Variants in SEMA5B observed in about 807,000 individuals in gnomAD.
The protein encoded by SEMA5B is semaphorin 5B.
A neutral mutation model predicts 135.0 loss-of-function variants in SEMA5B; 66 were observed. The ratio of observed to expected loss-of-function variants is 0.49; its 90% CI spans 0.40 to 0.60. SEMA5B has a LOEUF of 0.60. Ranked by LOEUF, SEMA5B falls within the 20% of genes least tolerant of loss-of-function variation. The pLI is 0.00. For synonymous variants in SEMA5B, 690 were observed against 639.5 expected (o/e 1.08, Z -1.19); for missense variants, 1,501 against 1,566.3 (o/e 0.96, Z 0.70).
chr3:122,943,345 G>C, intron 4 of SEMA5B, 91 bp downstream of exon 4: 2 of 862,040 alleles, frequency 2.3e-6, no homozygotes, highest in South Asian at 3.3e-5. Context: ...AGCACGCGGG[G>C]CTGCCCAGGT....
chr3:122,924,358 A>G (rs761813919), intron 9 of SEMA5B, among the ~76,000 whole-genome samples: 1 of 152,104 alleles, frequency 6.6e-6, no homozygotes, highest in Non-Finnish European at 1.5e-5. Context: ...CTTCGCATTT[A>G]GTTCTTCTCC....
At chr3:122,918,566 T>C (rs1052267836) in intron 12 of SEMA5B, among the ~76,000 whole-genome samples, 1 of 152,198 alleles carries the variant, frequency 6.6e-6, no homozygotes, top group African/African-American at 2.4e-5. Flanking sequence ...CATGGCAGAA[T>C]AGCAAAGAAG....
intron 5 of SEMA5B, among the ~76,000 whole-genome samples, chr3:122,937,359 A>G (rs950697012): frequency 1.3e-5 from 2 of 152,216 alleles, no homozygotes; most frequent in African/African-American, 4.8e-5. Flanking sequence ...AGACAGGAGG[A>G]CCGGGCACTG....
chr3:122,993,775 C>A (rs566805104), intron 1 of SEMA5B, among the ~76,000 whole-genome samples: 1 of 151,792 alleles, frequency 6.6e-6, no homozygotes, highest in Non-Finnish European at 1.5e-5. Flanking sequence ...ATAATGCCAC[C>A]CCTCCCGCTC....
chr3:122,930,695 G>A (rs554646374), intron 5 of SEMA5B, among the ~76,000 whole-genome samples: 2 of 152,362 alleles, frequency 1.3e-5, no homozygotes, highest in South Asian at 2.1e-4. Context: ...TTAAAGTTAC[G>A]CTGAATTCAA....
At chr3:122,920,357 A>G (rs796745887) in intron 12 of SEMA5B, among the ~76,000 whole-genome samples, 46 of 152,374 alleles carry the variant, frequency 3.0e-4, no homozygotes, top group African/African-American at 1.1e-3. Flanking sequence ...AGTATAAAAA[A>G]TACTGAGACA....
intron 1 of SEMA5B, among the ~76,000 whole-genome samples, chr3:123,004,735 A>G (rs1044743659): frequency 6.6e-6 from 1 of 152,168 alleles, no homozygotes; most frequent in Non-Finnish European, 1.5e-5. Flanking sequence ...CTCCACACTG[A>G]TGGAAATTGA....
chr3:122,935,686 C>CTTTTTTTTTTTTTTTTTT (rs147968317), intron 5 of SEMA5B, among the ~76,000 whole-genome samples: 76 of 70,244 alleles, frequency 1.1e-3, no homozygotes, highest in African/African-American at 2.0e-3. Flanking sequence ...TTCTTTCTTT[C>CTTTTTTTTTTTTTTTTTT]TTTTTTTTTT....
intron 1 of SEMA5B, among the ~76,000 whole-genome samples, chr3:123,018,799 G>A (rs1346044523): frequency 6.6e-6 from 1 of 152,148 alleles, no homozygotes; most frequent in East Asian, 1.9e-4. Context: ...CTCCCTGACA[G>A]CCTTATATTC....
chr3:122,978,671 T>C (rs887466456), intron 1 of SEMA5B, among the ~76,000 whole-genome samples: 2 of 152,014 alleles, frequency 1.3e-5, no homozygotes, highest in Non-Finnish European at 2.9e-5. Flanking sequence ...AGCAGACCCC[T>C]CCGCTGGGCA....
intron 2 of SEMA5B, among the ~76,000 whole-genome samples, 160 bp from the exon 3 acceptor site, chr3:122,948,869 T>C (rs1228147452): frequency 6.6e-6 from 1 of 152,262 alleles, no homozygotes; most frequent in African/African-American, 2.4e-5. Context: ...TGCGAAGATA[T>C]AGATCACTCC....
intron 1 of SEMA5B, among the ~76,000 whole-genome samples, chr3:122,971,315 A>C (rs915778058): frequency 5.3e-5 from 8 of 152,238 alleles, no homozygotes; most frequent in Admixed American, 1.3e-4. Flanking sequence ...TTATTTGTTG[A>C]ATGAGAGAAT....
chr3:122,985,834 G>C (rs1358486785), intron 1 of SEMA5B, among the ~76,000 whole-genome samples: 1 of 152,134 alleles, frequency 6.6e-6, no homozygotes, highest in Non-Finnish European at 1.5e-5. Flanking sequence ...AAAAGAAATG[G>C]AGCCATATTT....
chr3:122,954,016 G>A (rs1302878316), intron 2 of SEMA5B, among the ~76,000 whole-genome samples: 1 of 152,178 alleles, frequency 6.6e-6, no homozygotes, highest in South Asian at 2.1e-4. Context: ...AGAGGAAACT[G>A]GAATATGTAA....
intron 18 of SEMA5B, 147 bp from the exon 19 acceptor site, chr3:122,912,489 T>A (rs1334152545): frequency 7.9e-6 from 6 of 754,720 alleles, no homozygotes; most frequent in Non-Finnish European, 1.2e-5. Context: ...CAGTCCACTG[T>A]TAGGGAGTGC....
intron 1 of SEMA5B, among the ~76,000 whole-genome samples, chr3:123,006,864 A>T (rs1340426282): frequency 6.6e-6 from 1 of 152,180 alleles, no homozygotes; most frequent in African/African-American, 2.4e-5. Context: ...ACAGCTGCTT[A>T]GATGAAAAGG....
rs372284000 is a variant in SEMA5B, at chr3:122,926,589, G to A, written c.939C>T (p.Thr313=). 3.0e-5 allele frequency: 48 copies of A among 1,614,116 alleles called. No homozygotes were observed. Among genetic ancestry groups the A allele is most frequent in the East Asian group, 2.0e-4 (9 of 44,898 alleles). Residue 313 remains threonine (T), a synonymous_variant, in exon 9 of 23, where the codon ACC becomes ACT. Coordinates refer to ENST00000357599, the MANE Select transcript of SEMA5B (RefSeq NM_001031702.4). ...ACACGCGGGCCACGCGAGAGTACAC[G>A]GTGCGTCCACAGTCGTGCTCCACTG... The part of the protein sequence containing the change: ...ENAVEHDCGR[T]VYSRVARVCK...
chr3:122,969,061 T>G (rs148041048), intron 1 of SEMA5B, among the ~76,000 whole-genome samples: 113 of 152,348 alleles, frequency 7.4e-4, no homozygotes, highest in Middle Eastern at 3.4e-3. Flanking sequence ...AGCTTTCTCC[T>G]GTTCTTTTTT....
chr3:122,923,642 A>C lies in SEMA5B; in HGVS notation c.1247T>G (p.Ile416Arg). ...QENPRAAWLPIANPIPNFQCG... is the reference protein window; with the variant it reads ...QENPRAAWLPRANPIPNFQCG... ...CTGGAAATTGGGGATGGGGTTGGCTATGGGGAGCCAGGCAGCCCTGGGGTT... is the reference window on the plus strand; with the variant it reads ...CTGGAAATTGGGGATGGGGTTGGCTCTGGGGAGCCAGGCAGCCCTGGGGTT... Residue 416 changes from isoleucine to arginine, a missense_variant, in exon 10 of 23, where the codon ATA (isoleucine) becomes AGA (arginine). This residue lies in a region of SEMA5B where 574 missense variants were observed against 684.7 expected (regional missense o/e 0.84). Transcript: ENST00000357599. The C allele has an allele frequency of 6.2e-7, 1 of 1,614,138 alleles. No homozygotes were observed. The highest frequency in any genetic ancestry group is 1.1e-5 in the South Asian group (1 of 91,086).
Sources: allele counts gnomAD v4.1 joint callset (sites outside exome capture counted in the v4.1 genomes callset), GRCh38; gene constraint gnomAD v4.1.1; regional missense constraint gnomAD v4.1.1; transcripts MANE v1.5; gene names NCBI Gene and HGNC (gene_info 2026-07-23, HGNC 2026-07-21).